The following FGF14 variants were observed in gnomAD, a reference collection of about 807,000 sequenced individuals.
The protein encoded by FGF14 is fibroblast growth factor 14, also known as fibroblast growth factor homologous factor 4.
In FGF14, 5 loss-of-function variants were observed where a neutral mutation model predicts 25.5. The observed-to-expected ratio is 0.20, with a 90% CI of 0.10 to 0.41. The LOEUF (loss-of-function observed/expected upper bound fraction) is 0.41, where lower values mean the gene tolerates loss of function less well. FGF14 is among the 10% of genes least tolerant of loss of function. The pLI is 1.00. For missense variants in FGF14, 222 were observed against 320.1 expected (o/e 0.69, Z 2.34); for synonymous variants, 138 against 118.3 (o/e 1.17, Z -1.08).
intron 1 of FGF14, among the ~76,000 whole-genome samples, chr13:101,881,559 G>C (rs1156718790): frequency 6.6e-6 from 1 of 152,118 alleles, no homozygotes; most frequent in Non-Finnish European, 1.5e-5. Flanking sequence ...CAAAATTCTT[G>C]TGCATATTTA....
chr13:101,818,471 T>C (rs2041949808), intron 3 of FGF14, among the ~76,000 whole-genome samples: 1 of 152,160 alleles, frequency 6.6e-6, no homozygotes, highest in Admixed American at 6.5e-5. Context: ...TGAAAGACCA[T>C]TGAAAAATAG....
At chr13:102,160,634 G>C (rs1377102479) in intron 1 of FGF14, among the ~76,000 whole-genome samples, 1 of 151,942 alleles carries the variant, frequency 6.6e-6, no homozygotes, top group African/African-American at 2.4e-5. Flanking sequence ...TCGGCTTTGG[G>C]AAGATAAAAA....
rs528201284 is a variant in FGF14, at chr13:102,212,834, G to C, written c.208+188637C>G. 9.2e-5 allele frequency among the ~76,000 whole-genome samples: 14 copies of C among 152,278 alleles called. No individual in the cohort carries two copies. The South Asian group carries it at 2.9e-3, about 32-fold the overall frequency. Reference sequence around the variant, plus strand: ...GCTTCTACCAGCACTGCCAAGCATAGCTTACAAAAAGCTTTGCTCCGTAGG... The same window carrying C: ...GCTTCTACCAGCACTGCCAAGCATACCTTACAAAAAGCTTTGCTCCGTAGG... On this transcript the variant is annotated intron_variant, in intron 1 of 4. Transcript: ENST00000376131.
intron 1 of FGF14, among the ~76,000 whole-genome samples, chr13:102,029,376 T>A (rs1463355333): frequency 6.6e-6 from 1 of 152,092 alleles, no homozygotes; most frequent in African/African-American, 2.4e-5. Flanking sequence ...ACTGCCCCTC[T>A]TATATCTACT....
intron 1 of FGF14, among the ~76,000 whole-genome samples, chr13:102,286,056 C>G (rs1362396472): frequency 6.6e-6 from 1 of 152,196 alleles, no homozygotes; most frequent in Non-Finnish European, 1.5e-5. Context: ...AAAACATCCT[C>G]AGAGAGCAAA....
intron 3 of FGF14, among the ~76,000 whole-genome samples, chr13:101,838,521 G>A (rs954824561): frequency 6.6e-5 from 10 of 152,060 alleles, no homozygotes; most frequent in Non-Finnish European, 1.5e-4. Context: ...GTAGAAATGA[G>A]TGCTTATGCA....
chr13:102,306,962 G>A (rs1353059710), intron 1 of FGF14, among the ~76,000 whole-genome samples: 1 of 152,032 alleles, frequency 6.6e-6, no homozygotes, highest in East Asian at 1.9e-4. Context: ...TAAGGACCTC[G>A]AGATGGAAAG....
At chr13:102,115,294 G>A (rs1360516020) in intron 1 of FGF14, among the ~76,000 whole-genome samples, 1 of 152,104 alleles carries the variant, frequency 6.6e-6, no homozygotes, top group Non-Finnish European at 1.5e-5. Flanking sequence ...CCCTCTCTGT[G>A]CTTACAACAG....
intron 1 of FGF14, among the ~76,000 whole-genome samples, chr13:101,900,624 C>A (rs2031412050): frequency 6.6e-6 from 1 of 151,912 alleles, no homozygotes; most frequent in African/African-American, 2.4e-5. Flanking sequence ...TTCAAGTAGG[C>A]AAGACTAATA....
intron 1 of FGF14, among the ~76,000 whole-genome samples, chr13:102,310,929 A>G (rs1432249048): frequency 6.6e-6 from 1 of 151,994 alleles, no homozygotes; most frequent in Non-Finnish European, 1.5e-5. Flanking sequence ...AACTGCATCC[A>G]GGGCGTGACC....
rs60213924 is a variant in FGF14 at position 101,894,023 on chromosome 13, CTT to C, written c.194-18729_194-18728del. 1.1e-3 allele frequency among the ~76,000 whole-genome samples: 159 copies of C among 143,940 alleles called. 1 individual carries two copies. Among genetic ancestry groups the C allele is most frequent in the African/African-American group, 2.7e-3 (109 of 39,698 alleles). The allele number at this position is 143,940 out of a possible 152,430, so 94.4% of individuals were successfully genotyped here. A position where few individuals can be genotyped will look rare whatever the true frequency, so the allele number is the denominator to read the frequency against. The stretch of plus-strand genomic sequence containing the variant: ...AACAGCTCAACCCAACCTTTCCTGG[CTT>C]TTTTTTTTTTCACACTTTTTATCTT... On this transcript the variant is annotated intron_variant, in intron 1 of 4. Coordinates refer to ENST00000376143, the MANE Select transcript of FGF14 (RefSeq NM_004115.4).
chr13:102,085,604 A>C (rs1344250742), intron 1 of FGF14, among the ~76,000 whole-genome samples: 3 of 152,234 alleles, frequency 2.0e-5, no homozygotes, highest in African/African-American at 7.2e-5. Flanking sequence ...CCAGAACAAT[A>C]AAACTGATTT....
At chr13:102,112,790 A>G (rs985939499) in intron 1 of FGF14, among the ~76,000 whole-genome samples, 1 of 152,214 alleles carries the variant, frequency 6.6e-6, no homozygotes, top group Admixed American at 6.5e-5. Context: ...GAGCCTCATA[A>G]TAACTCTGCA....
At position 101,837,671 on chromosome 13, in the gene FGF14, C is replaced by A. The variant is rs552290536; in HGVS notation, c.408+31054G>T. Reference sequence around the variant, plus strand: ...TATACCTGGGGCCATGGCTAACAAACTCCTAAGTCAAACTTCCTTAAAATA... The same window carrying A: ...TATACCTGGGGCCATGGCTAACAAAATCCTAAGTCAAACTTCCTTAAAATA... On this transcript the variant is annotated intron_variant, in intron 3 of 4. Coordinates refer to ENST00000376143, the MANE Select transcript of FGF14 (RefSeq NM_004115.4). 3.5e-4 allele frequency among the ~76,000 whole-genome samples: 54 copies of A among 152,200 alleles called. No individual in the cohort carries two copies. In the South Asian group the frequency reaches 0.011, roughly 31 times the overall value.
chr13:101,852,826 A>G (rs891726202), intron 3 of FGF14, among the ~76,000 whole-genome samples: 3 of 152,128 alleles, frequency 2.0e-5, no homozygotes, highest in Non-Finnish European at 4.4e-5. Flanking sequence ...TAATTGAAAT[A>G]TTTTAAATGC....
intron 1 of FGF14, among the ~76,000 whole-genome samples, chr13:102,220,989 G>A (rs1014704422): frequency 5.3e-5 from 8 of 152,184 alleles, no homozygotes; most frequent in African/African-American, 1.9e-4. Context: ...GTATAAAAGT[G>A]AATGACAGTT....
intron 1 of FGF14, among the ~76,000 whole-genome samples, chr13:102,336,503 T>C (rs901987389): frequency 6.6e-6 from 1 of 152,222 alleles, no homozygotes; most frequent in Non-Finnish European, 1.5e-5. Flanking sequence ...CTCTCTAGCA[T>C]CCAAGTGCAA....
intron 1 of FGF14, among the ~76,000 whole-genome samples, chr13:101,943,141 A>G (rs2035559648): frequency 6.6e-6 from 1 of 152,234 alleles, no homozygotes; most frequent in Admixed American, 6.5e-5. Flanking sequence ...GATAACAACT[A>G]GTAAATGTAG....
At chr13:102,021,186 A>C (rs2040631306) in intron 1 of FGF14, among the ~76,000 whole-genome samples, 1 of 152,092 alleles carries the variant, frequency 6.6e-6, no homozygotes, top group Non-Finnish European at 1.5e-5. Context: ...ATTTAGAGTT[A>C]AGAAGACAGC....
Sources: allele counts gnomAD v4.1 joint callset (sites outside exome capture counted in the v4.1 genomes callset), GRCh38; gene constraint gnomAD v4.1.1; transcripts MANE v1.5; gene names NCBI Gene and HGNC (gene_info 2026-07-23, HGNC 2026-07-21).